The following FRYL variants were observed in gnomAD, a reference collection of about 807,000 sequenced individuals.
The protein encoded by FRYL is FRY like transcription coactivator.
A neutral mutation model predicts 351.2 loss-of-function variants in FRYL; 150 were observed. That is an observed-to-expected ratio of 0.43 (90% CI 0.37 to 0.49). The LOEUF is 0.49. FRYL is among the 20% of genes least tolerant of loss of function. The pLI is 0.00. For synonymous variants in FRYL, 1,153 were observed against 1,257.1 expected, an observed-to-expected ratio of 0.92 and a Z score of 1.75; for missense variants, 3,036 against 3,619.3, an observed-to-expected ratio of 0.84 and a Z score of 4.13.
At chr4:48,553,138 C>A (rs1160706382) in intron 36 of FRYL, 77 bp downstream of exon 36, 24 of 1,157,952 alleles carry the variant, frequency 2.1e-5, no homozygotes, top group African/African-American at 3.1e-5. Context: ...CATAGAGACC[C>A]TAAAATGGTT....
intron 3 of FRYL, among the ~76,000 whole-genome samples, chr4:48,668,849 C>G (rs564168157): frequency 3.7e-4 from 56 of 152,176 alleles, no homozygotes; most frequent in Non-Finnish European, 4.9e-4. Flanking sequence ...TGCCTCAACC[C>G]AAAGGCCACA....
intron 2 of FRYL, among the ~76,000 whole-genome samples, chr4:48,690,821 T>G (rs1464406020): frequency 6.6e-6 from 1 of 152,190 alleles, no homozygotes; most frequent in African/African-American, 2.4e-5. Flanking sequence ...AGAAAATGTG[T>G]ATAGATGATA....
At chr4:48,729,274 T>C (rs974592497) in intron 1 of FRYL, among the ~76,000 whole-genome samples, 6 of 152,244 alleles carry the variant, frequency 3.9e-5, no homozygotes, top group African/African-American at 1.2e-4. Context: ...CAGCAAGGCC[T>C]ACTGCCTCTC....
chr4:48,748,827 C>A (rs1396929354), intron 1 of FRYL, among the ~76,000 whole-genome samples: 1 of 152,110 alleles, frequency 6.6e-6, no homozygotes, highest in Non-Finnish European at 1.5e-5. Context: ...AGGTAAGAAT[C>A]ATGCAGTGGC....
chr4:48,742,956 G>A (rs1044831856), intron 1 of FRYL, among the ~76,000 whole-genome samples: 13 of 140,268 alleles, frequency 9.3e-5, no homozygotes, highest in African/African-American at 2.8e-4. Context: ...ACAGGTGTGC[G>A]CCACCACGCC....
rs1471898901 is a variant in FRYL at position 48,589,625 on chromosome 4, G to A, written c.1640+120C>T. 7.8e-6 allele frequency: 7 copies of A among 901,600 alleles called. No homozygotes were observed. The Admixed American group carries it at 1.4e-4, about 18-fold the overall frequency. 55.9% of individuals were successfully genotyped at this position (901,600 alleles called of 1,614,324 possible). ...GGAAGGAATCACTGTATTGAAAACTGCAGCAGATAGAAACATGGAAGAACT... is the reference window on the plus strand; with the variant it reads ...GGAAGGAATCACTGTATTGAAAACTACAGCAGATAGAAACATGGAAGAACT... On this transcript the variant is annotated intron_variant, in intron 18 of 63. Transcript: ENST00000358350.
intron 3 of FRYL, among the ~76,000 whole-genome samples, chr4:48,641,577 A>T (rs1315145983): frequency 6.6e-6 from 1 of 152,134 alleles, no homozygotes; most frequent in Non-Finnish European, 1.5e-5. Flanking sequence ...GCTCGTAGGA[A>T]TTAGATCCAG....
In FRYL at chr4:48,760,525, G is replaced by GT. The variant is rs202227374; in HGVS notation, c.-384+19552dup. ...TTCTTTTCCAATTCACATGCCTTGT[G>GT]TTTTTTTGTTTGTTTGTTTTGTTTT... On this transcript the variant is annotated intron_variant, in intron 1 of 63. Coordinates refer to ENST00000358350, the MANE Select transcript of FRYL (RefSeq NM_015030.2). Among the ~76,000 whole-genome samples the GT allele has an allele frequency of 3.8e-4, 57 of 151,986 alleles. No homozygotes were observed. In the East Asian group the frequency reaches 9.3e-3, roughly 25 times the overall value.
rs1268156731 is a variant in FRYL, at chr4:48,566,169, G to A, written c.3170-478C>T. Among the ~76,000 whole-genome samples the A allele has an allele frequency of 3.3e-5, 5 of 151,814 alleles. No individual in the cohort carries two copies. The East Asian group carries it at 9.7e-4, about 29-fold the overall frequency. ...TTTTCCTGCTAAAGGAAGCTTACAT[G>A]TAATCTCAGTATATAAAACAGATAA... On this transcript the variant is annotated intron_variant, in intron 28 of 63. Coordinates refer to ENST00000358350, the MANE Select transcript of FRYL (RefSeq NM_015030.2).
chr4:48,665,670 A>G (rs1761585823), intron 3 of FRYL, among the ~76,000 whole-genome samples: 1 of 152,228 alleles, frequency 6.6e-6, no homozygotes, highest in Non-Finnish European at 1.5e-5. Flanking sequence ...ATGGAACAGA[A>G]CGAGTAAAAT....
intron 2 of FRYL, among the ~76,000 whole-genome samples, chr4:48,691,209 T>C (rs960247892): frequency 3.9e-5 from 6 of 152,210 alleles, no homozygotes; most frequent in African/African-American, 1.4e-4. Flanking sequence ...TTTGACCCAG[T>C]AACTCCATTT....
At chr4:48,573,163 C>A in intron 26 of FRYL, 23 bp downstream of exon 26, 1 of 1,582,330 alleles carries the variant, frequency 6.3e-7, no homozygotes, top group Admixed American at 1.7e-5. Context: ...TTCACTAATA[C>A]AAGGCTGCAG....
intron 26 of FRYL, 125 bp from the exon 27 acceptor site, chr4:48,571,043 T>TACAA: frequency 4.8e-6 from 3 of 627,434 alleles, no homozygotes; most frequent in Non-Finnish European, 5.5e-6. Flanking sequence ...GTGTAGACTG[T>TACAA]GGGTACTCTG....
intron 18 of FRYL, among the ~76,000 whole-genome samples, chr4:48,588,644 C>G (rs1231173869): frequency 6.6e-6 from 1 of 152,142 alleles, no homozygotes; most frequent in Non-Finnish European, 1.5e-5. Context: ...GTTTGGAAAA[C>G]ACCCTCAACC....
chr4:48,688,604 T>C (rs2149553756), intron 2 of FRYL, among the ~76,000 whole-genome samples: 1 of 152,144 alleles, frequency 6.6e-6, no homozygotes, highest in East Asian at 1.9e-4. Context: ...TGACAAATGC[T>C]ATAATTTTTA....
intron 3 of FRYL, among the ~76,000 whole-genome samples, chr4:48,645,105 C>T (rs1756121108): frequency 1.0e-5 from 1 of 100,100 alleles, no homozygotes; most frequent in Admixed American, 1.3e-4. Context: ...GTAAATTAAA[C>T]CAGCAGTGAG....
At chr4:48,631,726 G>C (rs1412304383) in intron 4 of FRYL, among the ~76,000 whole-genome samples, 7 of 151,764 alleles carry the variant, frequency 4.6e-5, no homozygotes, top group African/African-American at 9.7e-5. Flanking sequence ...TTTAGCTTAG[G>C]GGGGGATGAC....
intron 3 of FRYL, chr4:48,681,019 C>T (rs532807292): frequency 1.6e-6 from 2 of 1,284,868 alleles, no homozygotes; most frequent in Non-Finnish European, 2.0e-6. Context: ...TGAAAGTGAG[C>T]TAAGACGTTT....
At chr4:48,650,973 G>A (rs1278515638) in intron 3 of FRYL, among the ~76,000 whole-genome samples, 2 of 152,150 alleles carry the variant, frequency 1.3e-5, no homozygotes, top group African/African-American at 4.8e-5. Context: ...CTGGCTTGGG[G>A]AGACTGTGGA....
Sources: gnomAD v4.1 joint callset for allele counts (sites outside exome capture counted in the v4.1 genomes callset) on GRCh38, gnomAD v4.1.1 for gene constraint, MANE v1.5 for transcripts, NCBI Gene and HGNC (gene_info 2026-07-23, HGNC 2026-07-21) for gene names.